The following NFATC3 variants were observed in gnomAD, a reference collection of about 807,000 sequenced individuals.
NFATC3 encodes nuclear factor of activated T-cells, cytoplasmic 3.
In NFATC3, 46 loss-of-function variants were observed where a neutral mutation model predicts 98.6. The ratio of observed to expected loss-of-function variants is 0.47; its 90% confidence interval spans 0.37 to 0.60. The LOEUF (loss-of-function observed/expected upper bound fraction) is 0.60, where lower values mean the gene tolerates loss of function less well. NFATC3 is among the 20% of genes least tolerant of loss of function. NFATC3 has a pLI of 0.00. For missense variants in NFATC3, 1,256 were observed against 1,295.5 expected (o/e 0.97, Z 0.47); for synonymous variants, 512 against 472.2 (o/e 1.08, Z -1.09).
At chr16:68,094,336 G>A (rs2034892922) in intron 1 of NFATC3, among the ~76,000 whole-genome samples, 1 of 151,646 alleles carries the variant, frequency 6.6e-6, no homozygotes, top group African/African-American at 2.4e-5. Flanking sequence ...CCCTAAACCT[G>A]AATGAGGAAA....
At chr16:68,102,266 G>T (rs760613519) in intron 1 of NFATC3, among the ~76,000 whole-genome samples, 1 of 151,162 alleles carries the variant, frequency 6.6e-6, no homozygotes, top group African/African-American at 2.4e-5. Flanking sequence ...CAGCTACTTG[G>T]GAGACTGTGG....
intron 1 of NFATC3, among the ~76,000 whole-genome samples, chr16:68,100,887 CTGTGTGTGTGTGTGTGTGGGGTG>C (rs2035306409): frequency 6.8e-6 from 1 of 146,278 alleles, no homozygotes; most frequent in Non-Finnish European, 1.5e-5. Context: ...TTTGAGAGTT[CTGTGTGTGTGTGTGTGTGGGGTG>C]TGTGTGTGTG....
At chr16:68,169,316 T>G (rs564329682) in intron 5 of NFATC3, among the ~76,000 whole-genome samples, 1 of 152,308 alleles carries the variant, frequency 6.6e-6, no homozygotes, top group East Asian at 1.9e-4. Context: ...TTGCCCAGGC[T>G]GGAGTGCAAT....
chr16:68,217,170 G>A (rs950207342), intron 9 of NFATC3, among the ~76,000 whole-genome samples: 1 of 152,050 alleles, frequency 6.6e-6, no homozygotes, highest in African/African-American at 2.4e-5. Flanking sequence ...AGTAGGTCAT[G>A]CCTGTAATCC....
rs961701489 is a variant in NFATC3, at chr16:68,157,769, A to G, written c.1402-100A>G. 5.9e-5 allele frequency: 49 copies of G among 826,366 alleles called. No homozygotes were observed. The East Asian group carries it at 6.7e-4, about 11-fold the overall frequency. 51.2% of individuals were successfully genotyped at this position (826,366 alleles called of 1,614,324 possible). A position where few individuals can be genotyped will look rare whatever the true frequency, so the allele number is the denominator to read the frequency against. ...TTTTGAAATAACATTTTGTGTGTCA[A>G]TAGTATATGATAGAGATATAATAGA... On this transcript the variant is annotated intron_variant, in intron 3 of 9. Coordinates refer to ENST00000346183, the MANE Select transcript of NFATC3 (RefSeq NM_173165.3).
chr16:68,095,398 G>A (rs563885900), intron 1 of NFATC3, among the ~76,000 whole-genome samples: 34 of 145,166 alleles, frequency 2.3e-4, no homozygotes, highest in South Asian at 8.8e-4. Flanking sequence ...TGTCACCTAG[G>A]CTGGAGCACA....
intron 8 of NFATC3, among the ~76,000 whole-genome samples, chr16:68,185,001 A>T (rs559363999): frequency 0.031 from 4,590 of 149,552 alleles, 213 homozygotes; most frequent in African/African-American, 0.1. Context: ...TTTTTTTTTG[A>T]GAGAGAGTCT....
chr16:68,132,410 A>G (rs974145019), intron 3 of NFATC3, among the ~76,000 whole-genome samples: 13 of 152,182 alleles, frequency 8.5e-5, no homozygotes, highest in Admixed American at 2.0e-4. Flanking sequence ...AAAAACCCTC[A>G]AGAATAAAAG....
At chr16:68,170,284 G>A (rs935785705) in intron 5 of NFATC3, among the ~76,000 whole-genome samples, 1 of 150,870 alleles carries the variant, frequency 6.6e-6, no homozygotes, top group Non-Finnish European at 1.5e-5. Flanking sequence ...CCAGCTACTT[G>A]GGAGGTTGAG....
intron 7 of NFATC3, among the ~76,000 whole-genome samples, chr16:68,182,836 G>T (rs78587942): frequency 0.038 from 5,713 of 152,064 alleles, 119 homozygotes; most frequent in Middle Eastern, 0.15. Context: ...AGAACATTTT[G>T]AATATAAAAT....
At chr16:68,125,540 A>G (rs2036789652) in intron 2 of NFATC3, among the ~76,000 whole-genome samples, 1 of 152,176 alleles carries the variant, frequency 6.6e-6, no homozygotes, top group Non-Finnish European at 1.5e-5. Flanking sequence ...TTTCAGAGAG[A>G]CAGGGAAAGG....
chr16:68,105,778 T>C (rs1044318998), intron 1 of NFATC3, among the ~76,000 whole-genome samples: 1 of 152,204 alleles, frequency 6.6e-6, no homozygotes, highest in Non-Finnish European at 1.5e-5. Flanking sequence ...GTCTGAGATT[T>C]TCTTTTTCTT....
At chr16:68,124,758 A>C (rs560814546) in intron 2 of NFATC3, among the ~76,000 whole-genome samples, 14 of 138,316 alleles carry the variant, frequency 1.0e-4, no homozygotes, top group Non-Finnish European at 1.8e-4. Flanking sequence ...TTGAGACGGA[A>C]TCTCACTGTC....
intron 9 of NFATC3, among the ~76,000 whole-genome samples, chr16:68,202,379 G>A (rs906246467): frequency 1.3e-5 from 2 of 152,096 alleles, no homozygotes; most frequent in African/African-American, 4.8e-5. Flanking sequence ...TAAAATCAAG[G>A]GAATGATAAA....
At chr16:68,106,169 C>G (rs2035643995) in intron 1 of NFATC3, among the ~76,000 whole-genome samples, 1 of 152,142 alleles carries the variant, frequency 6.6e-6, no homozygotes, top group Non-Finnish European at 1.5e-5. Context: ...CGCACCCGAT[C>G]CTGTTCATAG....
chr16:68,158,006 A>G lies in NFATC3; in HGVS notation c.1539A>G (p.Ile513Met). 5 of 1,613,990 alleles carry G rather than the reference A, an allele frequency of 3.1e-6. No individual in the cohort carries two copies. Among genetic ancestry groups the G allele is most frequent in the Non-Finnish European group, 4.2e-6 (5 of 1,179,908 alleles). The change falls in exon 4 of 10, where the codon ATA (isoleucine) becomes ATG (methionine). Residue 513 changes from isoleucine (I) to methionine (M), a missense_variant. Around this residue, in one of 3 missense-constraint regions of NFATC3, gnomAD observed 156 missense variants for 212.4 expected, o/e 0.73. Coordinates refer to ENST00000346183, the MANE Select transcript of NFATC3 (RefSeq NM_173165.3). Reference sequence around the variant, plus strand: ...CAGTCGCTACTGCAAGCCAAGAGATAATAATTGCCAGTACAAAAGTTCTGG... The same window carrying G: ...CAGTCGCTACTGCAAGCCAAGAGATGATAATTGCCAGTACAAAAGTTCTGG... ...GKTVATASQE[I>M]IIASTKVLEI...
chr16:68,115,873 C>T (rs1167611346), intron 1 of NFATC3, among the ~76,000 whole-genome samples: 1 of 152,136 alleles, frequency 6.6e-6, no homozygotes, highest in Non-Finnish European at 1.5e-5. Flanking sequence ...TATAACCACA[C>T]TCCACTGTGC....
intron 1 of NFATC3, among the ~76,000 whole-genome samples, chr16:68,097,785 T>C (rs992476024): frequency 3.3e-5 from 5 of 152,194 alleles, no homozygotes; most frequent in African/African-American, 1.2e-4. Context: ...TTTTGACACA[T>C]GTAGAGACCC....
intron 6 of NFATC3, 115 bp downstream of exon 6, chr16:68,174,629 A>G (rs904482435): frequency 2.6e-5 from 20 of 768,342 alleles, no homozygotes; most frequent in Non-Finnish European, 3.4e-5. Context: ...TATGGGTGTC[A>G]TTTTGCACTT....
Sources: gnomAD v4.1 joint callset for allele counts (sites outside exome capture counted in the v4.1 genomes callset) on GRCh38, gnomAD v4.1.1 for gene constraint, gnomAD v4.1.1 regional missense constraint, MANE v1.5 for transcripts, NCBI Gene and HGNC (gene_info 2026-07-23, HGNC 2026-07-21) for gene names.